CDK19: variants seen among roughly 807,000 people sequenced by gnomAD.
CDK19 encodes cyclin-dependent kinase 19.
CDK19 carries 20 observed loss-of-function variants against 68.3 expected under a neutral mutation model. The observed-to-expected ratio is 0.29, with a 90% CI of 0.21 to 0.43. CDK19 has a LOEUF of 0.43. Ranked by LOEUF, CDK19 falls within the 20% of genes least tolerant of loss-of-function variation. The pLI, the probability that CDK19 is intolerant of heterozygous loss-of-function variation, is 1.00. For missense variants in CDK19, 339 were observed against 623.5 expected (o/e 0.54, Z 4.86); for synonymous variants, 221 against 222.8 (o/e 0.99, Z 0.07).
At chr6:110,772,016 C>A (rs993874358) in intron 1 of CDK19, among the ~76,000 whole-genome samples, 1 of 152,194 alleles carries the variant, frequency 6.6e-6, no homozygotes. Flanking sequence ...CCAAACTTTG[C>A]CACATTTTCC....
At chr6:110,802,504 C>A (rs144474124) in intron 1 of CDK19, among the ~76,000 whole-genome samples, 1 of 152,188 alleles carries the variant, frequency 6.6e-6, no homozygotes, top group African/African-American at 2.4e-5. Flanking sequence ...AAGATGGGAA[C>A]GACAGACACT....
At chr6:110,696,967 G>A (rs1773535466) in intron 2 of CDK19, among the ~76,000 whole-genome samples, 1 of 151,848 alleles carries the variant, frequency 6.6e-6, no homozygotes, top group Non-Finnish European at 1.5e-5. Context: ...GCTGAGGCAG[G>A]AGAATTGCTT....
At chr6:110,689,301 G>A (rs944370207) in intron 2 of CDK19, among the ~76,000 whole-genome samples, 1 of 152,048 alleles carries the variant, frequency 6.6e-6, no homozygotes, top group African/African-American at 2.4e-5. Flanking sequence ...GCCCCCACCT[G>A]GCTTTGCCCC....
intron 2 of CDK19, among the ~76,000 whole-genome samples, chr6:110,737,307 T>TGAGTAACACAAAAGTGAG (rs777651291): frequency 8.5e-5 from 13 of 152,118 alleles, no homozygotes; most frequent in Non-Finnish European, 1.9e-4. Flanking sequence ...CTCACAAAAG[T>TGAGTAACACAAAAGTGAG]GAGTAACACA....
rs892628042 is a variant in CDK19 at position 110,815,174 on chromosome 6, C to A, written c.-38G>T. On this transcript the variant is annotated 5_prime_UTR_variant, in exon 1 of 13. Transcript: ENST00000368911. ...CCATAGAGGCACGGGACGCGGGGGC[C>A]GCCGCCGCTCAGTCCCTCCTCCTCC... The A allele has an allele frequency of 4.5e-6, 7 of 1,553,108 alleles. No individual in the cohort carries two copies. In the Admixed American group the frequency reaches 1.1e-4, roughly 25 times the overall value.
chr6:110,751,539 C>T (rs1442187726), intron 1 of CDK19, among the ~76,000 whole-genome samples: 1 of 152,108 alleles, frequency 6.6e-6, no homozygotes, highest in Admixed American at 6.6e-5. Flanking sequence ...TTATATACTA[C>T]AGTGTAATAA....
intron 1 of CDK19, among the ~76,000 whole-genome samples, chr6:110,761,226 G>C (rs1327922641): frequency 6.6e-6 from 1 of 152,116 alleles, no homozygotes; most frequent in Non-Finnish European, 1.5e-5. Flanking sequence ...GGGACCACAG[G>C]TACATGCTAC....
intron 4 of CDK19, among the ~76,000 whole-genome samples, chr6:110,666,754 G>A (rs1419374973): frequency 6.6e-6 from 1 of 152,072 alleles, no homozygotes; most frequent in Non-Finnish European, 1.5e-5. Context: ...CATAAACTGA[G>A]GAGAAAATGA....
At chr6:110,712,283 T>C (rs1364009931) in intron 2 of CDK19, among the ~76,000 whole-genome samples, 1 of 152,234 alleles carries the variant, frequency 6.6e-6, no homozygotes, top group African/African-American at 2.4e-5. Flanking sequence ...TATTTGAGCA[T>C]AGAATCTTCT....
intron 2 of CDK19, among the ~76,000 whole-genome samples, chr6:110,718,239 T>C (rs532827836): frequency 2.0e-5 from 3 of 152,110 alleles, no homozygotes; most frequent in Admixed American, 1.3e-4. Flanking sequence ...AGTGGGCTGA[T>C]GTATAAAGCC....
intron 4 of CDK19, chr6:110,645,644 G>A (rs1007814269): frequency 9.7e-6 from 3 of 309,802 alleles, no homozygotes; most frequent in African/African-American, 4.4e-5. Flanking sequence ...CTCACGAGCC[G>A]GAGCCCAGAA....
intron 1 of CDK19, among the ~76,000 whole-genome samples, chr6:110,769,610 G>A (rs1384177651): frequency 1.3e-5 from 2 of 151,274 alleles, no homozygotes; most frequent in East Asian, 3.9e-4. Flanking sequence ...GGGAAAACTG[G>A]GGAGCAGGGG....
At chr6:110,732,770 T>G (rs555962513) in intron 2 of CDK19, among the ~76,000 whole-genome samples, 1 of 152,058 alleles carries the variant, frequency 6.6e-6, no homozygotes, top group Non-Finnish European at 1.5e-5. Flanking sequence ...CCAACCAAGA[T>G]ATACAACATT....
At chr6:110,733,313 C>T (rs147991959) in intron 2 of CDK19, among the ~76,000 whole-genome samples, 3 of 152,244 alleles carry the variant, frequency 2.0e-5, no homozygotes, top group African/African-American at 7.2e-5. Flanking sequence ...TTAATGCAGT[C>T]TATGGATACA....
chr6:110,691,128 T>TA (rs1772945570), intron 2 of CDK19, among the ~76,000 whole-genome samples: 1 of 151,992 alleles, frequency 6.6e-6, no homozygotes, highest in African/African-American at 2.4e-5. Flanking sequence ...AAGAAATTTT[T>TA]TAAAAAAAAT....
Position 110,622,119 on chromosome 6 carries a change from T to C in CDK19, c.1079A>G (p.Asn360Ser). ...QIPYPKREFLNEDDPEEKGDK... is the reference protein window; with the variant it reads ...QIPYPKREFLSEDDPEEKGDK... ...ACCTTTTTCTTCAGGATCATCTTCA[T>C]TAAGGAATTCTCGTTTGGGGTATGG... Residue 360 changes from asparagine to serine, a missense_variant, in exon 11 of 13, where the codon AAT (asparagine) becomes AGT (serine). Around this residue, in one of 4 missense-constraint regions of CDK19, gnomAD observed 155 missense variants for 222.7 expected, o/e 0.70. Transcript: ENST00000368911. 15 of 1,613,044 alleles carry C rather than the reference T, an allele frequency of 9.3e-6. No homozygotes were observed. The highest frequency in any genetic ancestry group is 1.3e-5 in the African/African-American group (1 of 75,030).
intron 2 of CDK19, among the ~76,000 whole-genome samples, chr6:110,675,289 A>T (rs1771406148): frequency 2.0e-5 from 3 of 152,194 alleles, no homozygotes; most frequent in Admixed American, 2.0e-4. Flanking sequence ...TTGAAGTTGA[A>T]GCCAATGCTC....
At chr6:110,647,474 G>C (rs1221959605) in intron 4 of CDK19, among the ~76,000 whole-genome samples, 3 of 152,142 alleles carry the variant, frequency 2.0e-5, no homozygotes, top group East Asian at 1.9e-4. Context: ...CAAGAAGAGA[G>C]AAAGTGCAAA....
At chr6:110,680,583 T>C (rs1362819452) in intron 2 of CDK19, among the ~76,000 whole-genome samples, 1 of 152,204 alleles carries the variant, frequency 6.6e-6, no homozygotes, top group Non-Finnish European at 1.5e-5. Context: ...AACCTAAATG[T>C]TCAATAATAA....
Sources: gnomAD v4.1 joint callset for allele counts (sites outside exome capture counted in the v4.1 genomes callset) on GRCh38, gnomAD v4.1.1 for gene constraint, gnomAD v4.1.1 regional missense constraint, MANE v1.5 for transcripts, NCBI Gene and HGNC (gene_info 2026-07-23, HGNC 2026-07-21) for gene names.